Variants in CSNK1D observed in about 807,000 individuals in gnomAD.
CSNK1D encodes casein kinase 1 delta.
Under a neutral mutation model 46.6 loss-of-function variants are expected in CSNK1D, and 16 were observed. The ratio of observed to expected loss-of-function variants is 0.34; its 90% confidence interval spans 0.23 to 0.52. The LOEUF (loss-of-function observed/expected upper bound fraction) is 0.52. Among genes scored for constraint, CSNK1D ranks in the 20% least tolerant of loss-of-function variants. The pLI, the probability that CSNK1D is intolerant of heterozygous loss-of-function variation, is 0.95. For missense variants in CSNK1D, 398 were observed against 578.4 expected (o/e 0.69, Z 3.20); for synonymous variants, 276 against 228.2 (o/e 1.21, Z -1.89).
At chr17:82,257,615 C>T (rs1207418937) in intron 2 of CSNK1D, among the ~76,000 whole-genome samples, 1 of 152,216 alleles carries the variant, frequency 6.6e-6, no homozygotes, top group Non-Finnish European at 1.5e-5. Flanking sequence ...CAGCCAGTGA[C>T]AGCTGTGCCT....
rs377347065 is a variant in CSNK1D, at chr17:82,272,816, T to C, written c.76+490A>G. On this transcript the variant is annotated intron_variant, in intron 1 of 8. Coordinates refer to ENST00000314028, the MANE Select transcript of CSNK1D (RefSeq NM_001893.6). ...GGCTGCGGAAGAAAGAGCGTGGCCT[T>C]TGTTTACTGCGGTGACCTTAGGCGT... Among the ~76,000 whole-genome samples, 5 of 152,286 alleles carry C rather than the reference T, an allele frequency of 3.3e-5. No individual in the cohort carries two copies. In the East Asian group the frequency reaches 7.8e-4, roughly 24 times the overall value.
rs1473667726 is a variant in CSNK1D, at chr17:82,251,277, C to T, written c.885+102G>A. The T allele has an allele frequency of 7.3e-6, 10 of 1,379,052 alleles. No homozygotes were observed. The highest frequency in any genetic ancestry group is 2.4e-5 in the South Asian group (2 of 83,254). The allele number at this position is 1,379,052 out of a possible 1,614,324, so 85.4% of individuals were successfully genotyped here. Reference sequence around the variant, plus strand: ...CTTGCCCTTCACAACCAGAGACACTCCCTATATGGTACAGCCCCTCAACAA... The same window carrying T: ...CTTGCCCTTCACAACCAGAGACACTTCCTATATGGTACAGCCCCTCAACAA... On this transcript the variant is annotated intron_variant, in intron 6 of 8. Coordinates refer to ENST00000314028, the MANE Select transcript of CSNK1D (RefSeq NM_001893.6). This position sits in a 1 kb window ranked among gnomAD's most constrained non-coding sequence, Gnocchi z 4.5.
chr17:82,252,252 C>T lies in CSNK1D; in HGVS notation c.736+182G>A, dbSNP rs969246856. On this transcript the variant is annotated intron_variant, in intron 5 of 8. Transcript: ENST00000314028. This position sits in a 1 kb window ranked among gnomAD's most constrained non-coding sequence, Gnocchi z 4.6. Reference sequence around the variant, plus strand: ...GCTGATGGGCACTTGGCAAGTAAGTCAAGATGAACAGGAGGGCAGGCTGTT... The same window carrying T: ...GCTGATGGGCACTTGGCAAGTAAGTTAAGATGAACAGGAGGGCAGGCTGTT... Among the ~76,000 whole-genome samples the T allele has an allele frequency of 2.0e-5, 3 of 152,318 alleles. No homozygotes were observed. Among genetic ancestry groups the T allele is most frequent in the Non-Finnish European group, 4.4e-5 (3 of 68,022 alleles).
intron 1 of CSNK1D, among the ~76,000 whole-genome samples, chr17:82,268,936 A>G (rs1162516662): frequency 6.6e-6 from 1 of 151,776 alleles, no homozygotes; most frequent in East Asian, 1.9e-4. Flanking sequence ...CCTACTATAA[A>G]TACAAAAAAA....
In CSNK1D at chr17:82,250,877, G is replaced by A; in HGVS notation, c.885+502C>T. Reference sequence around the variant, plus strand: ...GTAATTCAGCTCAGACATGGACCCAGGGCTGGGCTGCCTGTTTTAGAGGCT... The same window carrying A: ...GTAATTCAGCTCAGACATGGACCCAAGGCTGGGCTGCCTGTTTTAGAGGCT... On this transcript the variant is annotated intron_variant, in intron 6 of 8. Transcript: ENST00000314028. The surrounding 1 kb of genome is among the most constrained non-coding windows in gnomAD (Gnocchi z 4.6). 4.9e-6 allele frequency: 1 copy of A among 202,654 alleles called. No homozygotes were observed. Among genetic ancestry groups the A allele is most frequent in the South Asian group, 7.3e-5 (1 of 13,662 alleles). The allele number at this position is 202,654 out of a possible 1,614,324, so 12.6% of individuals were successfully genotyped here. A position where few individuals can be genotyped will look rare whatever the true frequency, so the allele number is the denominator to read the frequency against.
Position 82,243,975 on chromosome 17 carries a change from GTGCTTTGCC to G in CSNK1D, c.*797_*805del, listed in dbSNP as rs2050787979. On this transcript the variant is annotated 3_prime_UTR_variant, in exon 9 of 9. Transcript: ENST00000314028. ...CCACCTCCTGGGGAAGAAGCGCGCAGTGCTTTGCCTGGTAACACCCACTGCACCCCTGCC... is the reference window on the plus strand; with the variant it reads ...CCACCTCCTGGGGAAGAAGCGCGCAGTGGTAACACCCACTGCACCCCTGCC... 1 of 986,050 alleles carries G rather than the reference GTGCTTTGCC, an allele frequency of 1.0e-6. No homozygotes were observed. The highest frequency in any genetic ancestry group is 1.7e-5 in the African/African-American group (1 of 57,248). 61.1% of individuals were successfully genotyped at this position (986,050 alleles called of 1,614,324 possible).
chr17:82,242,629 G>A, downstream of CSNK1D: 1 of 983,816 alleles, frequency 1.0e-6, no homozygotes. Context: ...AAACTCTCAA[G>A]CTGATGAAAT....
intron 1 of CSNK1D, chr17:82,271,959 C>A (rs895559430): frequency 6.6e-6 from 1 of 152,302 alleles, no homozygotes; most frequent in Non-Finnish European, 1.5e-5. Flanking sequence ...CCTCTGCAGG[C>A]ACACCGCCTC....
chr17:82,266,585 A>G (rs2051474407), intron 1 of CSNK1D: 1 of 153,058 alleles, frequency 6.5e-6, no homozygotes, highest in African/African-American at 2.4e-5. Context: ...CAAATGTGAC[A>G]ACCACCATCC....
chr17:82,244,979 G>A (rs1434266166), intron 8 of CSNK1D, 148 bp from the exon 9 acceptor site: 6 of 968,426 alleles, frequency 6.2e-6, no homozygotes, highest in East Asian at 2.6e-5. Context: ...CCACGCACAG[G>A]GGCCTCTGTG....
chr17:82,246,793 A>T lies in CSNK1D; in HGVS notation c.1198-1962T>A. 4.0e-6 allele frequency: 4 copies of T among 988,222 alleles called. No individual in the cohort carries two copies. The South Asian group carries it at 1.4e-4, about 34-fold the overall frequency. The allele number at this position is 988,222 out of a possible 1,614,324, so 61.2% of individuals were successfully genotyped here. A position where few individuals can be genotyped will look rare whatever the true frequency, so the allele number is the denominator to read the frequency against. On this transcript the variant is annotated intron_variant, in intron 8 of 8. Transcript: ENST00000314028. ...GGGCGCAAGGTCTCCTGAGAGGAGC[A>T]GAAAGAACAGGGAAGAGCGACGGCC...
In CSNK1D at chr17:82,243,046, C is replaced by A. The variant is rs867208552; in HGVS notation, c.*1735G>T. The A allele has an allele frequency of 1.0e-6, 1 of 985,326 alleles. No homozygotes were observed. Among genetic ancestry groups the A allele is most frequent in the Non-Finnish European group, 1.2e-6 (1 of 829,934 alleles). 61.0% of individuals were successfully genotyped at this position (985,326 alleles called of 1,614,324 possible). On this transcript the variant is annotated 3_prime_UTR_variant, in exon 9 of 9. Coordinates refer to ENST00000314028, the MANE Select transcript of CSNK1D (RefSeq NM_001893.6). ...CAGCAACAAAGAAAATCTCTTAACTCGGCTCTGACCCACCCCAACCTCCCT... is the reference window on the plus strand; with the variant it reads ...CAGCAACAAAGAAAATCTCTTAACTAGGCTCTGACCCACCCCAACCTCCCT...
At chr17:82,265,489 T>G (rs1173738635) in intron 2 of CSNK1D, 197 bp downstream of exon 2, 1 of 607,708 alleles carries the variant, frequency 1.6e-6, no homozygotes, top group East Asian at 3.0e-5. Context: ...CATAAGATGT[T>G]TCTTTGTGTT....
At chr17:82,253,360 G>T in intron 3 of CSNK1D, 116 bp from the exon 4 acceptor site, 1 of 903,606 alleles carries the variant, frequency 1.1e-6, no homozygotes, top group Non-Finnish European at 1.9e-6. Flanking sequence ...GCCACAGCAG[G>T]GTAGTTTAAC....
Position 82,251,307 on chromosome 17 carries a change from G to A in CSNK1D, c.885+72C>T. ...TATGGTACAGCCCCTCAACAAGACG[G>A]CCGCCGGCCTCTCACTGACAAGCCA... On this transcript the variant is annotated intron_variant, in intron 6 of 8. Coordinates refer to ENST00000314028, the MANE Select transcript of CSNK1D (RefSeq NM_001893.6). This position sits in a 1 kb window ranked among gnomAD's most constrained non-coding sequence, Gnocchi z 4.5. 1.9e-6 allele frequency: 3 copies of A among 1,579,644 alleles called. No homozygotes were observed. In the Admixed American group the frequency reaches 5.0e-5, roughly 26 times the overall value.
chr17:82,269,968 C>G (rs373585805), intron 1 of CSNK1D, among the ~76,000 whole-genome samples: 3 of 152,234 alleles, frequency 2.0e-5, no homozygotes, highest in Non-Finnish European at 2.9e-5. Context: ...TTTATGGCCA[C>G]ACCACATGGA....
chr17:82,256,386 T>C (rs1188191301), intron 2 of CSNK1D, among the ~76,000 whole-genome samples: 4 of 151,956 alleles, frequency 2.6e-5, no homozygotes, highest in Admixed American at 2.6e-4. Flanking sequence ...GGTGGCACGC[T>C]TCTGTGGTCC....
Position 82,252,328 on chromosome 17 carries a change from G to A in CSNK1D, c.736+106C>T. On this transcript the variant is annotated intron_variant, in intron 5 of 8. Coordinates refer to ENST00000314028, the MANE Select transcript of CSNK1D (RefSeq NM_001893.6). The surrounding 1 kb of genome is among the most constrained non-coding windows in gnomAD (Gnocchi z 4.6). ...TTTCCTGCCACCACCCCTTTGGAAG[G>A]TGAGCAACTCTTCTGACAAAACCCA... 7.6e-7 allele frequency: 1 copy of A among 1,323,972 alleles called. No homozygotes were observed. Among genetic ancestry groups the A allele is most frequent in the Non-Finnish European group, 1.1e-6 (1 of 918,568 alleles). The allele number at this position is 1,323,972 out of a possible 1,614,324, so 82.0% of individuals were successfully genotyped here.
rs554488629 is a variant in CSNK1D, at chr17:82,251,172, T to A, written c.885+207A>T. The stretch of plus-strand genomic sequence containing the variant: ...CAGGAATTCCATGGACCCCTCTGCG[T>A]TCCCTAATGGCGTCTTACTTCTTGG... On this transcript the variant is annotated intron_variant, in intron 6 of 8. Transcript: ENST00000314028. The surrounding 1 kb of genome is among the most constrained non-coding windows in gnomAD (Gnocchi z 4.5). 1.0e-5 allele frequency: 6 copies of A among 593,764 alleles called. No homozygotes were observed. The East Asian group carries it at 1.2e-4, about 12-fold the overall frequency. The allele number at this position is 593,764 out of a possible 1,614,324, so 36.8% of individuals were successfully genotyped here.
Sources: allele counts gnomAD v4.1 joint callset (sites outside exome capture counted in the v4.1 genomes callset), GRCh38; gene constraint gnomAD v4.1.1; non-coding constraint Gnocchi (gnomAD v3.1); transcripts MANE v1.5; gene names NCBI Gene and HGNC (gene_info 2026-07-23, HGNC 2026-07-21).